ARB2A: variants seen among roughly 807,000 people sequenced by gnomAD.
ARB2A encodes cotranscriptional regulator ARB2A.
chr5:94,090,633 C>T, the ARB2A span, among the ~76,000 whole-genome samples: 1 of 152,136 alleles, frequency 6.6e-6, no homozygotes, highest in African/African-American at 2.4e-5. Context: ...CCAGCTTTTG[C>T]CCATTCAGTA....
chr5:93,791,987 A>G, the ARB2A span, among the ~76,000 whole-genome samples: 1 of 152,220 alleles, frequency 6.6e-6, no homozygotes, highest in South Asian at 2.1e-4. Context: ...GGGAGTTGAG[A>G]AAGAAGACAC....
At chr5:93,744,165 G>A in the ARB2A span, among the ~76,000 whole-genome samples, 44 of 152,062 alleles carry the variant, frequency 2.9e-4, no homozygotes, top group African/African-American at 7.0e-4. Context: ...GGCCAGGCAC[G>A]GTGGCTCACA....
the ARB2A span, among the ~76,000 whole-genome samples, chr5:93,931,197 G>A: frequency 2.6e-5 from 4 of 152,266 alleles, no homozygotes; most frequent in African/African-American, 9.6e-5. Flanking sequence ...CGGGCGCAGT[G>A]ACTCACACCT....
At chr5:94,054,590 T>C in the ARB2A span, among the ~76,000 whole-genome samples, 3 of 152,126 alleles carry the variant, frequency 2.0e-5, no homozygotes, top group African/African-American at 4.8e-5. Flanking sequence ...CTGGTTAAGG[T>C]ACTATATGCC....
chr5:93,870,122 A>G, the ARB2A span, among the ~76,000 whole-genome samples: 2 of 152,214 alleles, frequency 1.3e-5, no homozygotes, highest in African/African-American at 4.8e-5. Flanking sequence ...ACGGTCTTCT[A>G]TTGTTGGAAG....
chr5:93,782,836 C>T, the ARB2A span, among the ~76,000 whole-genome samples: 2 of 152,112 alleles, frequency 1.3e-5, no homozygotes, highest in African/African-American at 4.8e-5. Flanking sequence ...ATACAAAACT[C>T]TTCAAATTGC....
the ARB2A span, among the ~76,000 whole-genome samples, chr5:94,063,426 G>A: frequency 1.3e-5 from 2 of 152,108 alleles, no homozygotes; most frequent in Non-Finnish European, 2.9e-5. Flanking sequence ...AGAACTCAGA[G>A]GTTAGTCCTA....
At chr5:94,005,703 T>A in the ARB2A span, among the ~76,000 whole-genome samples, 1 of 152,140 alleles carries the variant, frequency 6.6e-6, no homozygotes, top group Non-Finnish European at 1.5e-5. Context: ...ACCCAAACAA[T>A]TCCATTAGAA....
At chr5:93,734,365 G>T in the ARB2A span, 5 of 152,050 alleles carry the variant, frequency 3.3e-5, no homozygotes, top group Non-Finnish European at 7.4e-5. Context: ...ACTGTCAAAA[G>T]AAATCATTTG....
chr5:93,928,358 A>T, the ARB2A span, among the ~76,000 whole-genome samples: 14 of 152,210 alleles, frequency 9.2e-5, no homozygotes, highest in Non-Finnish European at 1.6e-4. Context: ...ATTCATCCAT[A>T]GGCAAATATA....
chr5:94,060,115 T>G, the ARB2A span, among the ~76,000 whole-genome samples: 1 of 152,082 alleles, frequency 6.6e-6, no homozygotes, highest in Non-Finnish European at 1.5e-5. Flanking sequence ...ATCCCAGCAC[T>G]TTGGAAGGCC....
the ARB2A span, among the ~76,000 whole-genome samples, chr5:93,907,449 A>C: frequency 6.6e-6 from 1 of 151,364 alleles, no homozygotes; most frequent in Admixed American, 6.6e-5. Flanking sequence ...TAATACTCAG[A>C]CTCAACTGTA....
the ARB2A span, among the ~76,000 whole-genome samples, chr5:94,065,197 T>C: frequency 6.6e-6 from 1 of 152,268 alleles, no homozygotes; most frequent in Admixed American, 6.5e-5. Context: ...TAAAGACACA[T>C]AAACTGAAAG....
chr5:93,722,848 T>C, the ARB2A span, among the ~76,000 whole-genome samples: 1 of 152,124 alleles, frequency 6.6e-6, no homozygotes, highest in African/African-American at 2.4e-5. Context: ...AACTGGAATA[T>C]TCAGCATGTA....
chr5:93,786,399 G>A, the ARB2A span, among the ~76,000 whole-genome samples: 7 of 152,086 alleles, frequency 4.6e-5, no homozygotes, highest in African/African-American at 1.4e-4. Flanking sequence ...GTGATAACAC[G>A]CAATTTATCA....
At chr5:93,903,709 C>CTG in the ARB2A span, among the ~76,000 whole-genome samples, 58,881 of 144,260 alleles carry the variant, frequency 0.41, 11,899 homozygotes, top group East Asian at 0.49. Flanking sequence ...TTCTATATAT[C>CTG]TGTGTGTGTG....
At chr5:93,900,787 C>A in the ARB2A span, among the ~76,000 whole-genome samples, 2 of 151,718 alleles carry the variant, frequency 1.3e-5, no homozygotes, top group Non-Finnish European at 2.9e-5. Flanking sequence ...ACCAGTAAAA[C>A]TCAAGAAGCA....
At chr5:94,069,875 AT>A in the ARB2A span, among the ~76,000 whole-genome samples, 3 of 152,296 alleles carry the variant, frequency 2.0e-5, no homozygotes, top group East Asian at 3.9e-4. Context: ...GGAAAACAGT[AT>A]GGGCATTTCT....
At chr5:93,999,443 T>C in the ARB2A span, among the ~76,000 whole-genome samples, 151,225 of 152,150 alleles carry the variant, frequency 0.99, 75,159 homozygotes, top group Middle Eastern at 1. Flanking sequence ...ACAGAACCCA[T>C]ATATCTAAAA....
Sources: gnomAD v4.1 joint callset for allele counts (sites outside exome capture counted in the v4.1 genomes callset) on GRCh38, gnomAD v4.1.1 for gene constraint, MANE v1.5 for transcripts, NCBI Gene and HGNC (gene_info 2026-07-23, HGNC 2026-07-21) for gene names.